ASCC3: variants seen among roughly 807,000 people sequenced by gnomAD.
The protein encoded by ASCC3 is ASC-1 complex subunit P200.
A neutral mutation model predicts 256.3 loss-of-function variants in ASCC3; 158 were observed. The observed-to-expected ratio is 0.62, with a 90% confidence interval of 0.54 to 0.70. The LOEUF is 0.70. Among genes scored for constraint, ASCC3 ranks in the 30% least tolerant of loss-of-function variants. The pLI is 0.00. For synonymous variants in ASCC3, 948 were observed against 883.4 expected, an observed-to-expected ratio of 1.07 and a Z score of -1.30; for missense variants, 2,259 against 2,626.0, an observed-to-expected ratio of 0.86 and a Z score of 3.05.
Position 100,551,435 on chromosome 6 carries a change from AT to A in ASCC3, c.5551-11049del, listed in dbSNP as rs542008911. Among the ~76,000 whole-genome samples, 809 of 152,058 alleles carry A rather than the reference AT, an allele frequency of 5.3e-3. 9 individuals are homozygous for A. Among genetic ancestry groups the A allele is most frequent in the African/African-American group, 0.019 (778 of 41,536 alleles). On this transcript the variant is annotated intron_variant, in intron 36 of 41. Coordinates refer to ENST00000369162, the MANE Select transcript of ASCC3 (RefSeq NM_006828.4). ...ATTGAATTGAAAGACAATCAAAATG[AT>A]TTTTTTAAAAGAAAAAGGAAGGAGG... is the stretch of plus-strand genomic sequence containing the variant.
chr6:100,771,581 ATC>A (rs1200450506), intron 8 of ASCC3, among the ~76,000 whole-genome samples: 1 of 152,080 alleles, frequency 6.6e-6, no homozygotes, highest in Non-Finnish European at 1.5e-5. Flanking sequence ...AAGCAATTTA[ATC>A]TTAAGAGTAT....
chr6:100,730,655 G>T (rs973497567), intron 10 of ASCC3, among the ~76,000 whole-genome samples: 6 of 152,098 alleles, frequency 3.9e-5, no homozygotes, highest in Non-Finnish European at 5.9e-5. Context: ...ATGTCACATG[G>T]TTTACATTCC....
intron 8 of ASCC3, among the ~76,000 whole-genome samples, chr6:100,784,053 G>A (rs1001554844): frequency 3.3e-5 from 5 of 152,082 alleles, no homozygotes; most frequent in Non-Finnish European, 7.4e-5. Context: ...TGACACCAAA[G>A]TCTAAATTAA....
At chr6:100,825,258 T>C (rs1771241425) in intron 4 of ASCC3, among the ~76,000 whole-genome samples, 1 of 149,592 alleles carries the variant, frequency 6.7e-6, no homozygotes, top group South Asian at 2.1e-4. Context: ...TAAAACACTA[T>C]GAGATTCTTT....
chr6:100,529,440 G>A (rs965989426), intron 37 of ASCC3, among the ~76,000 whole-genome samples: 1 of 152,154 alleles, frequency 6.6e-6, no homozygotes, highest in Non-Finnish European at 1.5e-5. Context: ...ACACTGTAGA[G>A]TGATATAATA....
chr6:100,864,020 A>T, intron 3 of ASCC3, 44 bp downstream of exon 3: 1 of 1,415,814 alleles, frequency 7.1e-7, no homozygotes, highest in Non-Finnish European at 9.5e-7. Context: ...TTTGAACCTT[A>T]CTGGTTCTCT....
At chr6:100,665,252 G>C (rs892922621) in intron 14 of ASCC3, among the ~76,000 whole-genome samples, 10 of 152,106 alleles carry the variant, frequency 6.6e-5, no homozygotes, top group African/African-American at 2.2e-4. Context: ...TCTCTGTGAG[G>C]AACTAGGAGG....
chr6:100,843,816 G>A (rs1413072916), intron 4 of ASCC3, among the ~76,000 whole-genome samples: 1 of 151,838 alleles, frequency 6.6e-6, no homozygotes, highest in African/African-American at 2.4e-5. Flanking sequence ...TCATTTTATT[G>A]TTTGAAACAT....
At chr6:100,567,568 C>A (rs75366748) in intron 36 of ASCC3, among the ~76,000 whole-genome samples, 200 of 152,304 alleles carry the variant, frequency 1.3e-3, no homozygotes, top group Non-Finnish European at 1.6e-3. Flanking sequence ...TGTCCCTCAT[C>A]CCCTCTAGCA....
intron 4 of ASCC3, among the ~76,000 whole-genome samples, chr6:100,818,668 A>G (rs552251161): frequency 6.6e-6 from 1 of 151,098 alleles, no homozygotes; most frequent in East Asian, 1.9e-4. Flanking sequence ...AAGATTAGAA[A>G]TAAGAAAAAA....
chr6:100,521,180 C>A (rs1474625502), intron 37 of ASCC3, among the ~76,000 whole-genome samples: 2 of 152,160 alleles, frequency 1.3e-5, no homozygotes, highest in Non-Finnish European at 2.9e-5. Flanking sequence ...AAAGTAATCC[C>A]CCCTTATCTG....
intron 14 of ASCC3, among the ~76,000 whole-genome samples, chr6:100,671,770 A>G (rs535664069): frequency 3.9e-5 from 6 of 152,182 alleles, no homozygotes; most frequent in Middle Eastern, 3.4e-3. Context: ...ACACAATGTC[A>G]ATGCTTTTAA....
intron 13 of ASCC3, among the ~76,000 whole-genome samples, chr6:100,711,075 A>C (rs1778832320): frequency 6.6e-6 from 1 of 152,196 alleles, no homozygotes. Flanking sequence ...AAATTTTCAG[A>C]AATTTCTCTT....
At chr6:100,750,940 G>A (rs909949061) in intron 10 of ASCC3, among the ~76,000 whole-genome samples, 1 of 151,904 alleles carries the variant, frequency 6.6e-6, no homozygotes, top group Non-Finnish European at 1.5e-5. Flanking sequence ...TTGGGGCAGG[G>A]TTTCTTCACT....
chr6:100,706,037 A>G (rs1156610595), intron 13 of ASCC3, among the ~76,000 whole-genome samples: 1 of 151,894 alleles, frequency 6.6e-6, no homozygotes, highest in African/African-American at 2.4e-5. Flanking sequence ...ACATGCACAT[A>G]GTATACATAC....
chr6:100,842,009 A>G (rs1231030633), intron 4 of ASCC3, among the ~76,000 whole-genome samples: 1 of 152,192 alleles, frequency 6.6e-6, no homozygotes, highest in Non-Finnish European at 1.5e-5. Context: ...CTTGTAAAGG[A>G]TAATTTTCAA....
At chr6:100,670,942 A>C (rs985244307) in intron 14 of ASCC3, among the ~76,000 whole-genome samples, 2 of 152,062 alleles carry the variant, frequency 1.3e-5, no homozygotes, top group Non-Finnish European at 2.9e-5. Context: ...TCCATATATG[A>C]ATTACTGTAA....
At chr6:100,853,199 CAA>C (rs1772771755) in intron 3 of ASCC3, among the ~76,000 whole-genome samples, 1 of 151,940 alleles carries the variant, frequency 6.6e-6, no homozygotes, top group African/African-American at 2.4e-5. Flanking sequence ...TTTTTAAAAT[CAA>C]AGAGTTAAAT....
intron 37 of ASCC3, chr6:100,530,712 C>T (rs997595267): frequency 1.1e-6 from 1 of 949,824 alleles, no homozygotes; most frequent in East Asian, 2.4e-5. Context: ...CAAGATGTAA[C>T]AAGAATTGAA....
Sources: allele counts gnomAD v4.1 joint callset (sites outside exome capture counted in the v4.1 genomes callset), GRCh38; gene constraint gnomAD v4.1.1; transcripts MANE v1.5; gene names NCBI Gene and HGNC (gene_info 2026-07-23, HGNC 2026-07-21).